NBPF3: variants seen among roughly 807,000 people sequenced by gnomAD.
NBPF3 encodes the protein NBPF member 3.
Under a neutral mutation model 78.1 loss-of-function variants are expected in NBPF3, and 57 were observed. The ratio of observed to expected loss-of-function variants is 0.73; its 90% CI spans 0.59 to 0.91. The LOEUF (loss-of-function observed/expected upper bound fraction) is 0.91, where lower values mean the gene tolerates loss of function less well. Ranked by LOEUF, NBPF3 falls within the 40% of genes least tolerant of loss-of-function variation. The probability of loss-of-function intolerance (pLI) is 0.00; values close to 1 mark genes in which losing one functional copy is unlikely to be tolerated. For synonymous variants in NBPF3, 182 were observed against 271.7 expected (o/e 0.67, Z 3.25); for missense variants, 510 against 715.3 (o/e 0.71, Z 3.27).
At chr1:21,468,425 G>A in intron 2 of NBPF3, 2 of 1,362,610 alleles carry the variant, frequency 1.5e-6, no homozygotes, top group Non-Finnish European at 1.9e-6. Flanking sequence ...TTCTAATTCT[G>A]TTATTGCAAC....
At chr1:21,477,045 C>A (rs1642922153) in intron 8 of NBPF3, among the ~76,000 whole-genome samples, 1 of 152,250 alleles carries the variant, frequency 6.6e-6, no homozygotes, top group African/African-American at 2.4e-5. Context: ...ATCACTAATA[C>A]CCTTTCTTCC....
chr1:21,449,553 C>T (rs914571341), intron 2 of NBPF3, among the ~76,000 whole-genome samples: 6 of 152,160 alleles, frequency 3.9e-5, no homozygotes, highest in African/African-American at 1.4e-4. Flanking sequence ...TCACTGCAAC[C>T]TCCACCTCCT....
At chr1:21,469,000 A>G (rs1642440333) in intron 3 of NBPF3, 103 bp downstream of exon 3, 1 of 917,030 alleles carries the variant, frequency 1.1e-6, no homozygotes. Context: ...CAACCCTCCC[A>G]TACTTCTAGG....
chr1:21,481,028 A>T lies in NBPF3; in HGVS notation c.1433+47A>T, dbSNP rs56246814. On this transcript the variant is annotated intron_variant, in intron 12 of 14. Transcript: ENST00000318249. Reference sequence around the variant, plus strand: ...CAGCTAATTCTGTGTTGACACCTGGAGACTCCTGGTTCAGGGAAAGCAGAG... The same window carrying T: ...CAGCTAATTCTGTGTTGACACCTGGTGACTCCTGGTTCAGGGAAAGCAGAG... 302,747 of 1,411,970 alleles carry T rather than the reference A, an allele frequency of 0.21. 8,025 individuals carry two copies. The highest frequency in any genetic ancestry group is 0.37 in the South Asian group (29,640 of 80,394). 87.5% of individuals were successfully genotyped at this position (1,411,970 alleles called of 1,614,324 possible).
At chr1:21,457,622 G>T (rs972977636) in intron 2 of NBPF3, among the ~76,000 whole-genome samples, 2 of 152,134 alleles carry the variant, frequency 1.3e-5, no homozygotes, top group Admixed American at 1.3e-4. Context: ...TAAAAAGGCT[G>T]AAAATAGCAC....
rs1642993484 is a variant in NBPF3 at position 21,478,302 on chromosome 1, T to C, written c.1151T>C (p.Ile384Thr). 2 of 1,613,718 alleles carry C rather than the reference T, an allele frequency of 1.2e-6. No homozygotes were observed. Among genetic ancestry groups the C allele is most frequent in the Non-Finnish European group, 1.7e-6 (2 of 1,179,922 alleles). The stretch of plus-strand genomic sequence containing the variant: ...CAGCAAGTCGGCTTGGCTCTTGACA[T>C]AGGCAGTGAGTACTCCATTTTGAAG... ...EEQQVGLALD[I>T]GRHWCDQVKK... The change falls in exon 9 of 15, where the codon ATA becomes ACA. Residue 384 changes from isoleucine (I) to threonine (T), a missense_variant. This residue lies in a region of NBPF3 where 440 missense variants were observed against 478.2 expected (regional missense o/e 0.92). Coordinates refer to ENST00000318249, the MANE Select transcript of NBPF3 (RefSeq NM_032264.6).
rs113252012 is a variant in NBPF3, at chr1:21,479,810, C to A, written c.1209-241C>A. 0.019 allele frequency among the ~76,000 whole-genome samples: 2,227 copies of A among 117,690 alleles called. 97 individuals carry two copies. Among genetic ancestry groups the A allele is most frequent in the African/African-American group, 0.06 (2,018 of 33,700 alleles). The allele number at this position is 117,690 out of a possible 152,430, so 77.2% of individuals were successfully genotyped here. On this transcript the variant is annotated intron_variant, in intron 10 of 14. Coordinates refer to ENST00000318249, the MANE Select transcript of NBPF3 (RefSeq NM_032264.6). ...GCTCACTATCTCTCTCTCTCTCTCT[C>A]TCTCTCTCTCTGTGTGTGTGTGTGT...
At chr1:21,451,235 T>TA (rs1465532079) in intron 2 of NBPF3, among the ~76,000 whole-genome samples, 1 of 152,270 alleles carries the variant, frequency 6.6e-6, no homozygotes, top group Non-Finnish European at 1.5e-5. Context: ...TATTGACAGA[T>TA]ACTTGAATGT....
Position 21,473,374 on chromosome 1 carries a change from C to T in NBPF3, c.735-6C>T. 1 of 1,613,754 alleles carries T rather than the reference C, an allele frequency of 6.2e-7. No homozygotes were observed. The highest frequency in any genetic ancestry group is 8.5e-7 in the Non-Finnish European group (1 of 1,179,642). The stretch of plus-strand genomic sequence containing the variant: ...TCTGTCATCTCTATCCCACCTGGCT[C>T]ATCAGGGAGGTGCAGAAGGCTGAAG... On this transcript the variant is annotated splice_region_variant and splice_polypyrimidine_tract_variant and intron_variant, in intron 6 of 14. Transcript: ENST00000318249.
intron 2 of NBPF3, among the ~76,000 whole-genome samples, chr1:21,454,689 A>G (rs555942186): frequency 2.5e-4 from 38 of 152,304 alleles, no homozygotes; most frequent in Admixed American, 9.1e-4. Context: ...CAATTCAACC[A>G]TACAGGCGTC....
At chr1:21,456,670 C>T (rs1641621309) in intron 2 of NBPF3, among the ~76,000 whole-genome samples, 1 of 151,856 alleles carries the variant, frequency 6.6e-6, no homozygotes, top group Non-Finnish European at 1.5e-5. Flanking sequence ...TTTATAAAAA[C>T]AAACCCCAGA....
chr1:21,456,948 G>A (rs143753385), intron 2 of NBPF3, among the ~76,000 whole-genome samples: 17,374 of 152,260 alleles, frequency 0.11, 1,344 homozygotes, highest in South Asian at 0.32. Context: ...GATAATGACT[G>A]TGTATGTTAA....
In NBPF3 at chr1:21,440,297, G is replaced by A. The variant is rs1640546146; in HGVS notation, c.-191G>A. The A allele has an allele frequency of 6.6e-6, 1 of 152,160 alleles. No individual in the cohort carries two copies. The highest frequency in any genetic ancestry group is 2.4e-5 in the African/African-American group (1 of 41,412). The allele number at this position is 152,160 out of a possible 1,614,324, so 9.4% of individuals were successfully genotyped here. A position where few individuals can be genotyped will look rare whatever the true frequency, so the allele number is the denominator to read the frequency against. On this transcript the variant is annotated 5_prime_UTR_variant, in exon 1 of 15. Coordinates refer to ENST00000318249, the MANE Select transcript of NBPF3 (RefSeq NM_032264.6). ...GGCCGAGGCGCGGCGGCGCGGCTGC[G>A]GGCCGCCGTCTGGATGGGAAGTTAC...
intron 1 of NBPF3, among the ~76,000 whole-genome samples, chr1:21,441,634 A>C (rs113240636): frequency 6.6e-6 from 1 of 151,476 alleles, no homozygotes; most frequent in South Asian, 2.1e-4. Context: ...CAGAGCCCGG[A>C]AGGTTGAGAT....
At chr1:21,474,455 T>A (rs1234577401) in intron 7 of NBPF3, among the ~76,000 whole-genome samples, 1 of 152,198 alleles carries the variant, frequency 6.6e-6, no homozygotes, top group East Asian at 1.9e-4. Context: ...TCACCTTCCT[T>A]GACCTCCCAA....
intron 8 of NBPF3, among the ~76,000 whole-genome samples, chr1:21,475,786 G>C (rs1183475488): frequency 6.6e-6 from 1 of 152,160 alleles, no homozygotes; most frequent in Non-Finnish European, 1.5e-5. Context: ...TGTCTATTAG[G>C]TCTGCTTGGT....
chr1:21,461,895 G>A (rs1222833588), intron 2 of NBPF3, among the ~76,000 whole-genome samples: 1 of 152,194 alleles, frequency 6.6e-6, no homozygotes, highest in Non-Finnish European at 1.5e-5. Flanking sequence ...GGGTAAATGG[G>A]AGGTGTTTGG....
chr1:21,467,635 T>C (rs1057177889), intron 2 of NBPF3, among the ~76,000 whole-genome samples: 3 of 152,192 alleles, frequency 2.0e-5, no homozygotes, highest in Admixed American at 1.3e-4. Context: ...CTTTTCAGTA[T>C]ATGGGAAAAC....
At position 21,445,048 on chromosome 1, in the gene NBPF3, G is replaced by T. The variant is rs1481961756; in HGVS notation, c.-39G>T. 1.3e-6 allele frequency: 2 copies of T among 1,589,096 alleles called. No homozygotes were observed. ...CTTGCCGTCCTCCTGAGGGTATCTG[G>T]AGCTTCAGTGCTGTGTGCTCTTGGC... On this transcript the variant is annotated 5_prime_UTR_variant, in exon 2 of 15. Transcript: ENST00000318249.
Sources: allele counts gnomAD v4.1 joint callset (sites outside exome capture counted in the v4.1 genomes callset), GRCh38; gene constraint gnomAD v4.1.1; regional missense constraint gnomAD v4.1.1; transcripts MANE v1.5; gene names NCBI Gene and HGNC (gene_info 2026-07-23, HGNC 2026-07-21).